The following KDR variants were observed in gnomAD, a reference collection of about 807,000 sequenced individuals.
The protein encoded by KDR is kinase insert domain receptor.
Under a neutral mutation model 160.9 loss-of-function variants are expected in KDR, and 43 were observed. The ratio of observed to expected loss-of-function variants is 0.27; its 90% CI spans 0.21 to 0.34. The LOEUF (loss-of-function observed/expected upper bound fraction) is 0.34, where lower values mean the gene tolerates loss of function less well. Among genes scored for constraint, KDR ranks in the 10% least tolerant of loss-of-function variants. The probability of loss-of-function intolerance (pLI) is 1.00; values close to 1 mark genes in which losing one functional copy is unlikely to be tolerated. For synonymous variants in KDR, 617 were observed against 600.1 expected, an observed-to-expected ratio of 1.03 and a Z score of -0.41; for missense variants, 1,469 against 1,666.4, an observed-to-expected ratio of 0.88 and a Z score of 2.06.
chr4:55,080,230 C>A (rs1354942249), intron 29 of KDR, 67 bp from the exon 30 acceptor site: 2 of 1,425,296 alleles, frequency 1.4e-6, no homozygotes, highest in South Asian at 2.3e-5. Context: ...TTTACCCTCA[C>A]CCCATTCCCA....
At position 55,078,902 on chromosome 4, in the gene KDR, A is replaced by G; in HGVS notation, c.*1039T>C. On this transcript the variant is annotated 3_prime_UTR_variant, in exon 30 of 30. Coordinates refer to ENST00000263923, the MANE Select transcript of KDR (RefSeq NM_002253.4). ...TTACTGGAGTAGAGGCCAAATAACTAAAATACTGATGGGTTGCGGGGTGAG... is the reference window on the plus strand; with the variant it reads ...TTACTGGAGTAGAGGCCAAATAACTGAAATACTGATGGGTTGCGGGGTGAG... 1 of 233,296 alleles carries G rather than the reference A, an allele frequency of 4.3e-6. No homozygotes were observed. The highest frequency in any genetic ancestry group is 5.6e-5 in the Admixed American group (1 of 17,800). 14.5% of individuals were successfully genotyped at this position (233,296 alleles called of 1,614,324 possible). A position where few individuals can be genotyped will look rare whatever the true frequency, so the allele number is the denominator to read the frequency against.
In KDR at chr4:55,079,436, C is replaced by T. The variant is rs114386213; in HGVS notation, c.*505G>A. The T allele has an allele frequency of 2.3e-3, 650 of 280,448 alleles. 1 individual carries two copies. Among genetic ancestry groups the T allele is most frequent in the African/African-American group, 0.012 (579 of 47,276 alleles). The allele number at this position is 280,448 out of a possible 1,614,324, so 17.4% of individuals were successfully genotyped here. A position where few individuals can be genotyped will look rare whatever the true frequency, so the allele number is the denominator to read the frequency against. Reference sequence around the variant, plus strand: ...CTCTCCAAAGCAAGGTAACGTTAGTCTTCCTTTCTATCAATCCGAATTCCA... The same window carrying T: ...CTCTCCAAAGCAAGGTAACGTTAGTTTTCCTTTCTATCAATCCGAATTCCA... On this transcript the variant is annotated 3_prime_UTR_variant, in exon 30 of 30. Transcript: ENST00000263923.
At chr4:55,088,747 T>C in intron 26 of KDR, 121 bp downstream of exon 26, 1 of 731,472 alleles carries the variant, frequency 1.4e-6, no homozygotes, top group Non-Finnish European at 2.5e-6. Context: ...TGTAGAAGAA[T>C]ACAGTAGATT....
At chr4:55,092,589 T>C (rs1472926393) in intron 22 of KDR, 28 bp downstream of exon 22, 4 of 1,482,944 alleles carry the variant, frequency 2.7e-6, no homozygotes, top group East Asian at 4.5e-5. Flanking sequence ...TCTGAAAAGA[T>C]AGCTGATTTC....
intron 3 of KDR, 85 bp downstream of exon 3, chr4:55,118,519 T>A: frequency 9.5e-7 from 1 of 1,047,440 alleles, no homozygotes; most frequent in Non-Finnish European, 1.5e-6. Flanking sequence ...AGCAAGCCCT[T>A]TGTTGTACTC....
intron 22 of KDR, chr4:55,092,175 G>A (rs559654231): frequency 1.3e-5 from 3 of 222,644 alleles, no homozygotes; most frequent in African/African-American, 6.8e-5. Context: ...ACACAGAGAA[G>A]CATAAACATA....
chr4:55,087,169 G>A (rs1207488881), intron 27 of KDR, among the ~76,000 whole-genome samples: 5 of 152,152 alleles, frequency 3.3e-5, no homozygotes, highest in Non-Finnish European at 7.4e-5. Flanking sequence ...CAGACCCATG[G>A]CTTTCTGTAT....
At position 55,079,889 on chromosome 4, in the gene KDR, G is replaced by A. The variant is rs764411718; in HGVS notation, c.*52C>T. 29 of 1,460,484 alleles carry A rather than the reference G, an allele frequency of 2.0e-5. No homozygotes were observed. In the Admixed American group the frequency reaches 2.3e-4, roughly 12 times the overall value. The allele number at this position is 1,460,484 out of a possible 1,614,324, so 90.5% of individuals were successfully genotyped here. Reference sequence around the variant, plus strand: ...TGGAAAGAACAACACTTGAAAATCTGAGCAGCACCTCTCATGTGATGTCCA... The same window carrying A: ...TGGAAAGAACAACACTTGAAAATCTAAGCAGCACCTCTCATGTGATGTCCA... On this transcript the variant is annotated 3_prime_UTR_variant, in exon 30 of 30. Transcript: ENST00000263923.
At chr4:55,122,074 T>C (rs971675862) in intron 1 of KDR, among the ~76,000 whole-genome samples, 4 of 152,214 alleles carry the variant, frequency 2.6e-5, no homozygotes, top group Non-Finnish European at 5.9e-5. Context: ...TGAATTACAA[T>C]TGGGAGATCT....
At chr4:55,097,548 T>G in intron 18 of KDR, 114 bp downstream of exon 18, 2 of 727,154 alleles carry the variant, frequency 2.8e-6, no homozygotes. Context: ...TTAGGCTGAC[T>G]GCATGTGTGG....
intron 20 of KDR, 27 bp downstream of exon 20, chr4:55,095,550 C>T (rs942843953): frequency 3.3e-6 from 5 of 1,496,658 alleles, no homozygotes; most frequent in Non-Finnish European, 3.7e-6. Flanking sequence ...TATAACATGG[C>T]CAGAGCAGGA....
intron 7 of KDR, among the ~76,000 whole-genome samples, chr4:55,112,499 G>C (rs763890953): frequency 6.7e-6 from 1 of 148,328 alleles, no homozygotes; most frequent in Non-Finnish European, 1.5e-5. Context: ...GTTATGTTTT[G>C]TGGAAGTCAA....
intron 15 of KDR, 139 bp downstream of exon 15, chr4:55,101,758 C>G: frequency 6.9e-6 from 5 of 729,346 alleles, no homozygotes. Context: ...GTTTGGTTTT[C>G]TGTTCCTGTG....
At chr4:55,108,946 T>C in intron 9 of KDR, among the ~76,000 whole-genome samples, 1 of 152,306 alleles carries the variant, frequency 6.6e-6, no homozygotes, top group Middle Eastern at 3.4e-3. Flanking sequence ...CATGAACTGA[T>C]GAAATGGGCT....
intron 12 of KDR, among the ~76,000 whole-genome samples, chr4:55,105,233 G>A (rs34176444): frequency 0.3 from 46,016 of 151,862 alleles, 7,731 homozygotes; most frequent in Admixed American, 0.46. Context: ...TGAGCTCTAC[G>A]CAATGTTTAA....
At chr4:55,102,275 A>C in intron 14 of KDR, 87 bp downstream of exon 14, 1 of 1,482,290 alleles carries the variant, frequency 6.7e-7, no homozygotes, top group Non-Finnish European at 9.4e-7. Context: ...CTTTTTTTCT[A>C]CATTACATCA....
At chr4:55,095,692 A>T in intron 19 of KDR, 27 bp from the exon 20 acceptor site, 1 of 1,568,198 alleles carries the variant, frequency 6.4e-7, no homozygotes, top group Non-Finnish European at 8.8e-7. Context: ...CAGGAAGGAA[A>T]ATGGGTTTTC....
At chr4:55,120,847 T>TGTGC (rs1420975973) in intron 2 of KDR, among the ~76,000 whole-genome samples, 2 of 16,756 alleles carry the variant, frequency 1.2e-4, no homozygotes, top group Non-Finnish European at 2.8e-4. Context: ...TGTGTATTTG[T>TGTGC]GTGCGTGTGT....
chr4:55,107,209 A>G (rs1449238056), intron 10 of KDR, among the ~76,000 whole-genome samples: 2 of 152,200 alleles, frequency 1.3e-5, no homozygotes, highest in Non-Finnish European at 2.9e-5. Context: ...GGCCATTTCA[A>G]AAACAACAAC....
Sources: allele counts gnomAD v4.1 joint callset (sites outside exome capture counted in the v4.1 genomes callset), GRCh38; gene constraint gnomAD v4.1.1; transcripts MANE v1.5; gene names NCBI Gene and HGNC (gene_info 2026-07-23, HGNC 2026-07-21).